Variants in BTBD9 observed in about 807,000 individuals in gnomAD.
The protein encoded by BTBD9 is BTB/POZ domain-containing protein 9.
In BTBD9, 49 loss-of-function variants were observed where a neutral mutation model predicts 64.3. That is an observed-to-expected ratio of 0.76 (90% CI 0.61 to 0.97). The LOEUF is 0.97. BTBD9 is among the 50% of genes least tolerant of loss of function. The pLI is 0.00. For synonymous variants in BTBD9, 260 were observed against 274.7 expected (o/e 0.95, Z 0.53); for missense variants, 598 against 762.1 (o/e 0.78, Z 2.53).
intron 1 of BTBD9, among the ~76,000 whole-genome samples, chr6:38,620,136 G>T (rs1438888057): frequency 6.6e-6 from 1 of 152,124 alleles, no homozygotes; most frequent in Non-Finnish European, 1.5e-5. Context: ...AAAGTTCAAG[G>T]GTTAGTAAGA....
At chr6:38,308,926 C>G (rs1762727611) in intron 7 of BTBD9, among the ~76,000 whole-genome samples, 1 of 151,714 alleles carries the variant, frequency 6.6e-6, no homozygotes, top group South Asian at 2.1e-4. Context: ...CCTGGGCCAA[C>G]AGAGTTATTT....
chr6:38,521,436 C>A (rs1319740239), intron 6 of BTBD9, among the ~76,000 whole-genome samples: 1 of 152,168 alleles, frequency 6.6e-6, no homozygotes, highest in African/African-American at 2.4e-5. Context: ...TGCTTCAGAC[C>A]AGAGGTGATT....
At position 38,594,173 on chromosome 6, in the gene BTBD9, A is replaced by G. The variant is rs759738171; in HGVS notation, c.340T>C (p.Leu114=). 4 of 1,614,092 alleles carry G rather than the reference A, an allele frequency of 2.5e-6. No homozygotes were observed. Among genetic ancestry groups the G allele is most frequent in the Middle Eastern group, 1.6e-4 (1 of 6,084 alleles). Residue 114 remains leucine (L), a synonymous_variant, in exon 3 of 11, where the codon TTG becomes CTG. Transcript: ENST00000481247. ...DEKEEVLLDF[L]SLAHKYGFPE... ...AATCCATATTTATGAGCCAGGCTCA[A>G]AAAGTCCAGCAGCACCTCCTCCTTC...
intron 6 of BTBD9, among the ~76,000 whole-genome samples, chr6:38,508,389 T>C (rs903611604): frequency 2.0e-5 from 3 of 151,992 alleles, no homozygotes; most frequent in African/African-American, 7.2e-5. Context: ...CTCCCCCAAA[T>C]AGACACATTT....
At chr6:38,379,532 C>T (rs1765838792) in intron 6 of BTBD9, among the ~76,000 whole-genome samples, 2 of 151,874 alleles carry the variant, frequency 1.3e-5, no homozygotes, top group African/African-American at 4.8e-5. Flanking sequence ...CCAAGGATAG[C>T]AACAAAGGAG....
chr6:38,217,001 G>T (rs542565621), intron 9 of BTBD9, among the ~76,000 whole-genome samples: 1 of 152,076 alleles, frequency 6.6e-6, no homozygotes, highest in Admixed American at 6.5e-5. Flanking sequence ...TGGCCTGGGA[G>T]CCACACTTTA....
At chr6:38,602,553 C>G (rs1562405665) in intron 1 of BTBD9, among the ~76,000 whole-genome samples, 1 of 151,902 alleles carries the variant, frequency 6.6e-6, no homozygotes, top group South Asian at 2.1e-4. Context: ...GGTTAAGTCA[C>G]TAGACTGGGG....
At chr6:38,335,564 CT>C (rs537536923) in intron 7 of BTBD9, among the ~76,000 whole-genome samples, 10 of 147,172 alleles carry the variant, frequency 6.8e-5, no homozygotes, top group Non-Finnish European at 6.0e-5. Context: ...CCAGGTAGTT[CT>C]TTTTTTTTTA....
At chr6:38,351,507 G>T (rs13198808) in intron 6 of BTBD9, among the ~76,000 whole-genome samples, 73,248 of 104,202 alleles carry the variant, frequency 0.7, 27,511 homozygotes, top group Non-Finnish European at 0.78. Flanking sequence ...AATTGTTGTT[G>T]TTTTTTTTTT....
intron 4 of BTBD9, among the ~76,000 whole-genome samples, chr6:38,591,125 A>G (rs1776773066): frequency 6.6e-6 from 1 of 152,068 alleles, no homozygotes; most frequent in Non-Finnish European, 1.5e-5. Context: ...CCCTCTCTCA[A>G]ATTGGTTCCT....
chr6:38,571,526 A>C (rs936487887), intron 6 of BTBD9, among the ~76,000 whole-genome samples: 4 of 152,242 alleles, frequency 2.6e-5, no homozygotes, highest in Non-Finnish European at 5.9e-5. Flanking sequence ...TATAGTAGCA[A>C]TAAATGAGAT....
intron 9 of BTBD9, among the ~76,000 whole-genome samples, chr6:38,251,653 G>A (rs1209286385): frequency 6.6e-6 from 1 of 152,208 alleles, no homozygotes; most frequent in African/African-American, 2.4e-5. Context: ...TACTTTGGGA[G>A]GCCGAGGTGA....
chr6:38,615,198 C>G (rs1056741404), intron 1 of BTBD9, among the ~76,000 whole-genome samples: 24 of 152,242 alleles, frequency 1.6e-4, no homozygotes, highest in African/African-American at 5.8e-4. Flanking sequence ...TGCAGCCTTC[C>G]TTGACCTGGG....
chr6:38,529,658 T>G (rs991501850), intron 6 of BTBD9, among the ~76,000 whole-genome samples: 5 of 152,230 alleles, frequency 3.3e-5, no homozygotes, highest in Non-Finnish European at 7.3e-5. Context: ...TGTGAAGATT[T>G]CATAGACATT....
At chr6:38,472,372 T>C (rs1223794720) in intron 6 of BTBD9, among the ~76,000 whole-genome samples, 1 of 152,160 alleles carries the variant, frequency 6.6e-6, no homozygotes, top group Non-Finnish European at 1.5e-5. Flanking sequence ...AAACCCAGCA[T>C]GAAACAATAA....
intron 6 of BTBD9, among the ~76,000 whole-genome samples, chr6:38,351,020 G>T (rs537033985): frequency 6.6e-6 from 1 of 152,334 alleles, no homozygotes; most frequent in Admixed American, 6.5e-5. Context: ...CTGACTGGAG[G>T]GGGTGTGACT....
rs774277801 is a variant in BTBD9, at chr6:38,592,826, G to A, written c.564C>T (p.Asn188=). ...CTGCAAATGAGTCTCTTAACACGAT[G>A]TTTAAAAGTGCTGTCTGAAAAGGAT... ...FLSLSKTALL[N]IVLRDSFAAP... Residue 188 remains asparagine (N), a synonymous_variant, in exon 4 of 11, where the codon AAC becomes AAT. Coordinates refer to ENST00000481247, the MANE Select transcript of BTBD9 (RefSeq NM_001099272.2). 1 of 1,613,940 alleles carries A rather than the reference G, an allele frequency of 6.2e-7. No homozygotes were observed. The highest frequency in any genetic ancestry group is 1.7e-5 in the Admixed American group (1 of 60,016).
intron 9 of BTBD9, among the ~76,000 whole-genome samples, chr6:38,204,493 G>A (rs1435015749): frequency 2.0e-5 from 3 of 152,192 alleles, no homozygotes; most frequent in Non-Finnish European, 4.4e-5. Context: ...TATATGAAAT[G>A]TATAGAATAT....
rs1776934898 is a variant in BTBD9, at chr6:38,594,126, G to A, written c.387C>T (p.Thr129=). Residue 129 remains threonine, a synonymous_variant, in exon 3 of 11, where the codon ACC becomes ACT. Coordinates refer to ENST00000481247, the MANE Select transcript of BTBD9 (RefSeq NM_001099272.2). ...KYGFPELEDS[T]SEYLCTILNI... is the part of the protein sequence containing the mutation. ...TAAGTATGGTGCAGAGATACTCAGA[G>A]GTAGAATCCTCTAGCTCTGGAAATC... The A allele has an allele frequency of 1.2e-6, 2 of 1,614,070 alleles. No individual in the cohort carries two copies. The highest frequency in any genetic ancestry group is 1.3e-5 in the African/African-American group (1 of 74,926).
Sources: gnomAD v4.1 joint callset for allele counts (sites outside exome capture counted in the v4.1 genomes callset) on GRCh38, gnomAD v4.1.1 for gene constraint, MANE v1.5 for transcripts, NCBI Gene and HGNC (gene_info 2026-07-23, HGNC 2026-07-21) for gene names.